RNF123: variants seen among roughly 807,000 people sequenced by gnomAD.
The protein encoded by RNF123 is E3 ubiquitin-protein ligase RNF123.
A neutral mutation model predicts 168.5 loss-of-function variants in RNF123; 86 were observed. The observed-to-expected ratio is 0.51, with a 90% CI of 0.43 to 0.61. The LOEUF (loss-of-function observed/expected upper bound fraction) is 0.61, where lower values mean the gene tolerates loss of function less well. Ranked by LOEUF, RNF123 falls within the 20% of genes least tolerant of loss-of-function variation. The pLI is 0.00. For synonymous variants in RNF123, 666 were observed against 689.1 expected, an observed-to-expected ratio of 0.97 and a Z score of 0.52; for missense variants, 1,419 against 1,729.7, an observed-to-expected ratio of 0.82 and a Z score of 3.19.
intron 4 of RNF123, 55 bp from the exon 5 acceptor site, chr3:49,697,308 C>T (rs1261641376): frequency 1.9e-6 from 3 of 1,585,824 alleles, no homozygotes; most frequent in East Asian, 4.5e-5. Flanking sequence ...TCAGGACACC[C>T]TATGCATCCT....
At chr3:49,698,185 C>A in intron 7 of RNF123, 48 bp downstream of exon 7, 1 of 1,518,638 alleles carries the variant, frequency 6.6e-7, no homozygotes, top group Non-Finnish European at 9.1e-7. Flanking sequence ...GAGAGCTTCT[C>A]CTGCCACAGG....
Position 49,699,871 on chromosome 3 carries a change from C to A in RNF123, c.984+99C>A. Reference sequence around the variant, plus strand: ...TCACTGAGGGCTGCAGTGCTGAGGTCCCACAGCATCACCTGGCGAGGGCCC... The same window carrying A: ...TCACTGAGGGCTGCAGTGCTGAGGTACCACAGCATCACCTGGCGAGGGCCC... On this transcript the variant is annotated intron_variant, in intron 12 of 38. Transcript: ENST00000327697. The surrounding 1 kb of genome is among the most constrained non-coding windows in gnomAD (Gnocchi z 4.8). 1.6e-6 allele frequency: 2 copies of A among 1,229,892 alleles called. No homozygotes were observed. Among genetic ancestry groups the A allele is most frequent in the Non-Finnish European group, 2.3e-6 (2 of 856,566 alleles). 76.2% of individuals were successfully genotyped at this position (1,229,892 alleles called of 1,614,324 possible). A position where few individuals can be genotyped will look rare whatever the true frequency, so the allele number is the denominator to read the frequency against.
chr3:49,719,775 C>T (rs1298330620), intron 35 of RNF123: 6 of 329,436 alleles, frequency 1.8e-5, no homozygotes, highest in Admixed American at 9.0e-5. Context: ...GGGGCGGCTA[C>T]ATCCCTTTGT....
At chr3:49,717,925 G>T (rs2080280148) in intron 35 of RNF123, 2 of 1,593,998 alleles carry the variant, frequency 1.3e-6, no homozygotes, top group Admixed American at 1.7e-5. Context: ...GAGGGTGGGG[G>T]CCTGGGTGGG....
intron 35 of RNF123, chr3:49,719,796 C>T: frequency 3.6e-6 from 1 of 274,528 alleles, no homozygotes; most frequent in Non-Finnish European, 7.4e-6. Context: ...GCCCAATGGC[C>T]CCGCATGACC....
chr3:49,715,537 T>C, intron 31 of RNF123, 38 bp from the exon 32 acceptor site: 3 of 1,612,688 alleles, frequency 1.9e-6, no homozygotes, highest in Non-Finnish European at 2.5e-6. Context: ...GCCACTGCAG[T>C]GGAGTCCCTG....
chr3:49,698,279 C>A, intron 7 of RNF123, 142 bp downstream of exon 7: 1 of 942,536 alleles, frequency 1.1e-6, no homozygotes, highest in Non-Finnish European at 1.6e-6. Context: ...ACGTGTCCCA[C>A]CCAATCCCAG....
In RNF123 at chr3:49,715,956, A is replaced by G; in HGVS notation, c.3285A>G (p.Ile1095Met). 2.5e-6 allele frequency: 4 copies of G among 1,614,012 alleles called. No homozygotes were observed. The highest frequency in any genetic ancestry group is 3.4e-6 in the Non-Finnish European group (4 of 1,180,038). The change falls in exon 33 of 39, where the codon ATA becomes ATG. Residue 1095 changes from isoleucine to methionine, a missense_variant. By Grantham distance (10) the Ile-to-Met change is conservative (BLOSUM62 1). Around this residue, in one of 5 missense-constraint regions of RNF123, gnomAD observed 538 missense variants for 708.8 expected, o/e 0.76. Transcript: ENST00000327697. ...LEMTITLVPE[I>M]FLDWTRPTSE... ...TGACTATCACACTGGTGCCTGAGAT[A>G]TTCCTTGACTGGACCCGGCCTACCT...
rs2054431745 is a variant in RNF123, at chr3:49,702,746, C to T, written c.1743C>T (p.Phe581=). The T allele has an allele frequency of 1.2e-6, 2 of 1,614,186 alleles. No homozygotes were observed. Among genetic ancestry groups the T allele is most frequent in the Non-Finnish European group, 1.7e-6 (2 of 1,180,004 alleles). ...AGGCTTCCAATCCTCATGCTTCCTTCAGTGAGGGTGAGTGGCACCGGGGTC... is the reference window on the plus strand; with the variant it reads ...AGGCTTCCAATCCTCATGCTTCCTTTAGTGAGGGTGAGTGGCACCGGGGTC... The part of the protein sequence containing the change: ...EYKASNPHAS[F]SEEAYIPPQV... The change falls in exon 20 of 39, where the codon TTC becomes TTT. Residue 581 remains phenylalanine (F), a synonymous_variant. Transcript: ENST00000327697.
chr3:49,704,322 G>T (rs527415145), intron 21 of RNF123, among the ~76,000 whole-genome samples: 13 of 152,292 alleles, frequency 8.5e-5, no homozygotes, highest in Admixed American at 4.6e-4. Context: ...AGAGCAGGAA[G>T]TCCTGGGAAA....
intron 26 of RNF123, 58 bp from the exon 27 acceptor site, chr3:49,712,421 C>G (rs572536571): frequency 1.6e-4 from 258 of 1,571,490 alleles, no homozygotes; most frequent in Non-Finnish European, 2.2e-4. Context: ...CAGGCCAGGA[C>G]ATGCCCCCAA....
At chr3:49,710,311 G>A (rs991766839) in intron 26 of RNF123, among the ~76,000 whole-genome samples, 2 of 152,072 alleles carry the variant, frequency 1.3e-5, no homozygotes, top group East Asian at 1.9e-4. Context: ...AGGGAGTCTC[G>A]CTCTGTGGCA....
chr3:49,695,831 C>T (rs2054257207), intron 3 of RNF123, among the ~76,000 whole-genome samples: 1 of 152,166 alleles, frequency 6.6e-6, no homozygotes, highest in Non-Finnish European at 1.5e-5. Flanking sequence ...CTATTCTTAG[C>T]AGCTGAGCTC....
At position 49,699,024 on chromosome 3, in the gene RNF123, G is replaced by C; in HGVS notation, c.683G>C (p.Gly228Ala). 6.2e-7 allele frequency: 1 copy of C among 1,614,018 alleles called. No individual in the cohort carries two copies. Among genetic ancestry groups the C allele is most frequent in the South Asian group, 1.1e-5 (1 of 91,090 alleles). The part of the protein sequence containing the change: ...LGTAFENLSR[G>A]LGMAYFPAIS... The stretch of plus-strand genomic sequence containing the variant: ...ACTGCCTTTGAGAACCTGTCCAGGG[G>C]CCTGGGTATGGCCTACTTCCCAGCC... Residue 228 changes from glycine (G) to alanine (A), a missense_variant, in exon 10 of 39, where the codon GGC becomes GCC. This residue lies in a region of RNF123 where 318 missense variants were observed against 446.6 expected (regional missense o/e 0.71). Coordinates refer to ENST00000327697, the MANE Select transcript of RNF123 (RefSeq NM_022064.5). The surrounding 1 kb of genome is among the most constrained non-coding windows in gnomAD (Gnocchi z 4.8).
At chr3:49,715,501 GC>G (rs1470581510) in intron 31 of RNF123, 73 bp from the exon 32 acceptor site, 1 of 1,574,534 alleles carries the variant, frequency 6.4e-7, no homozygotes, top group Non-Finnish European at 8.7e-7. Context: ...GCCTCAATGG[GC>G]GAGGACAGAG....
At chr3:49,720,278 C>G in intron 35 of RNF123, 1 of 344,482 alleles carries the variant, frequency 2.9e-6, no homozygotes, top group East Asian at 4.6e-5. Flanking sequence ...ATCGTGCCAT[C>G]GCACTCCAGC....
rs541196113 is a variant in RNF123, at chr3:49,706,475, CCTGTCAGCAGATCCCTGGGT to C, written c.2389-312_2389-293del. 1.5e-4 allele frequency among the ~76,000 whole-genome samples: 23 copies of C among 152,316 alleles called. No homozygotes were observed. In the South Asian group the frequency reaches 4.6e-3, roughly 30 times the overall value. On this transcript the variant is annotated intron_variant, in intron 25 of 38. Coordinates refer to ENST00000327697, the MANE Select transcript of RNF123 (RefSeq NM_022064.5). ...CCCTGACAGCCCCCACCCACCCCGA[CCTGTCAGCAGATCCCTGGGT>C]CTGGCAGCTGGGGGAGCAGCGGTTC...
At chr3:49,719,608 C>A (rs904198597) in intron 35 of RNF123, 1 of 688,462 alleles carries the variant, frequency 1.5e-6, no homozygotes, top group Non-Finnish European at 2.4e-6. Flanking sequence ...AGCCGACGGC[C>A]CCTACTCTCC....
At chr3:49,696,339 G>T (rs545232982) in intron 3 of RNF123, among the ~76,000 whole-genome samples, 3 of 151,856 alleles carry the variant, frequency 2.0e-5, no homozygotes, top group Non-Finnish European at 2.9e-5. Flanking sequence ...TTAAGACTTA[G>T]AGAGGGCTAC....
Sources: gnomAD v4.1 joint callset for allele counts (sites outside exome capture counted in the v4.1 genomes callset) on GRCh38, gnomAD v4.1.1 for gene constraint, gnomAD v4.1.1 regional missense constraint, Gnocchi (gnomAD v3.1) non-coding constraint, MANE v1.5 for transcripts, NCBI Gene and HGNC (gene_info 2026-07-23, HGNC 2026-07-21) for gene names.